SRFBP1: variants seen among roughly 807,000 people sequenced by gnomAD.
The protein encoded by SRFBP1 is serum response factor binding protein 1.
A neutral mutation model predicts 45.5 loss-of-function variants in SRFBP1; 47 were observed. The observed-to-expected ratio is 1.03, with a 90% CI of 0.82 to 1.32. The LOEUF is 1.32. Among genes scored for constraint, SRFBP1 ranks in the 40% most tolerant of loss-of-function variants. The pLI is 0.00. For missense variants in SRFBP1, 621 were observed against 484.6 expected (o/e 1.28, Z -2.64); for synonymous variants, 203 against 166.3 (o/e 1.22, Z -1.70).
In SRFBP1 at chr5:122,020,177, A is replaced by G; in HGVS notation, c.442A>G (p.Thr148Ala). 1 of 1,610,752 alleles carries G rather than the reference A, an allele frequency of 6.2e-7. No individual in the cohort carries two copies. Among genetic ancestry groups the G allele is most frequent in the Non-Finnish European group, 8.5e-7 (1 of 1,179,084 alleles). ...NASEDNHSENTLYSNDNGSNL... is the reference protein window; with the variant it reads ...NASEDNHSENALYSNDNGSNL... ...TTCAGAGGACAATCATTCTGAGAATACTTTGTATTCAAATGATAATGGAAG... is the reference window on the plus strand; with the variant it reads ...TTCAGAGGACAATCATTCTGAGAATGCTTTGTATTCAAATGATAATGGAAG... The change falls in exon 6 of 8, where the codon ACT (threonine) becomes GCT (alanine). Residue 148 changes from threonine (T) to alanine (A), a missense_variant. Physicochemically the swap from Thr to Ala is moderately conservative, Grantham distance 58. Transcript: ENST00000339397.
chr5:122,048,892 T>C (rs184639723), intron 2 of SRFBP1, among the ~76,000 whole-genome samples: 16 of 152,316 alleles, frequency 1.1e-4, no homozygotes, highest in Admixed American at 1.0e-3. Flanking sequence ...AGTGATGATA[T>C]CCCCTTCATC....
At chr5:121,971,811 A>T (rs987010605) in intron 1 of SRFBP1, among the ~76,000 whole-genome samples, 7 of 152,048 alleles carry the variant, frequency 4.6e-5, no homozygotes, top group Non-Finnish European at 8.8e-5. Flanking sequence ...TGGAAAACTA[A>T]GGGAAGAATG....
At chr5:121,968,451 A>C (rs1752119375) in intron 1 of SRFBP1, among the ~76,000 whole-genome samples, 1 of 152,082 alleles carries the variant, frequency 6.6e-6, no homozygotes, top group Admixed American at 6.5e-5. Flanking sequence ...CTGACAACAA[A>C]ATTGTTGGTG....
chr5:122,041,826 T>C (rs1419350164), intron 2 of SRFBP1, among the ~76,000 whole-genome samples: 1 of 152,202 alleles, frequency 6.6e-6, no homozygotes, highest in Non-Finnish European at 1.5e-5. Flanking sequence ...GAATTGCTAG[T>C]ACCTCCAGTA....
chr5:121,972,700 G>T (rs141534128), intron 1 of SRFBP1, among the ~76,000 whole-genome samples: 105 of 151,886 alleles, frequency 6.9e-4, no homozygotes, highest in African/African-American at 2.3e-3. Context: ...TCCTAATGAA[G>T]TCAAAGATGG....
chr5:122,070,243 A>C, intron 2 of SRFBP1: 2 of 847,728 alleles, frequency 2.4e-6, no homozygotes, highest in Non-Finnish European at 4.0e-6. Flanking sequence ...ATGAGGACTT[A>C]GCTAAATCAA....
chr5:122,016,172 C>T (rs1468870761), intron 4 of SRFBP1, among the ~76,000 whole-genome samples: 1 of 152,194 alleles, frequency 6.6e-6, no homozygotes, highest in Non-Finnish European at 1.5e-5. Flanking sequence ...ATATTCAGCA[C>T]ACCAAGTATC....
intron 2 of SRFBP1, among the ~76,000 whole-genome samples, chr5:122,036,795 G>A (rs917908563): frequency 6.6e-6 from 1 of 151,954 alleles, no homozygotes; most frequent in Non-Finnish European, 1.5e-5. Context: ...CCTAGGTTTT[G>A]CCCCATGTAC....
intron 2 of SRFBP1, chr5:122,074,231 T>A (rs1754548407): frequency 7.2e-7 from 1 of 1,397,692 alleles, no homozygotes; most frequent in Non-Finnish European, 1.0e-6. Context: ...AATGAAGATA[T>A]TAAATGACTT....
chr5:122,038,431 A>G (rs1039772514), intron 2 of SRFBP1, among the ~76,000 whole-genome samples: 1 of 152,206 alleles, frequency 6.6e-6, no homozygotes, highest in African/African-American at 2.4e-5. Context: ...TCCTAACCCT[A>G]TAGCTCTAGG....
intron 3 of SRFBP1, among the ~76,000 whole-genome samples, chr5:121,981,798 C>T (rs112845802): frequency 5.7e-4 from 86 of 151,980 alleles, no homozygotes; most frequent in African/African-American, 1.9e-3. Context: ...TATGTATTTC[C>T]GCTATCATAT....
rs77841355 is a variant in SRFBP1, at chr5:122,034,931, T to G, written n.311+12524T>G. On this transcript the variant is annotated intron_variant and non_coding_transcript_variant, in intron 2 of 2. Coordinates refer to the SRFBP1 transcript ENST00000504881. ...TGTGACACCAAAACTCTTCACTGTA[T>G]CTTTGATAAATCTTTTCCAGGAGTG... is the stretch of plus-strand genomic sequence containing the variant. Among the ~76,000 whole-genome samples the G allele has an allele frequency of 5.0e-3, 766 of 152,320 alleles. 10 individuals carry two copies. The highest frequency in any genetic ancestry group is 0.017 in the African/African-American group (723 of 41,568).
chr5:122,072,552 T>C (rs1009537768), intron 2 of SRFBP1, among the ~76,000 whole-genome samples: 1 of 152,196 alleles, frequency 6.6e-6, no homozygotes, highest in African/African-American at 2.4e-5. Context: ...ATACCTAGTT[T>C]TATGCTTGAA....
At chr5:122,075,822 A>G (rs1754609372), downstream of SRFBP1, among the ~76,000 whole-genome samples, 1 of 152,222 alleles carries the variant, frequency 6.6e-6, no homozygotes, top group Non-Finnish European at 1.5e-5. Flanking sequence ...CATAATAAGC[A>G]TTAAAAATCT....
chr5:122,069,711 G>T (rs1031519361), intron 2 of SRFBP1, among the ~76,000 whole-genome samples: 2 of 152,010 alleles, frequency 1.3e-5, no homozygotes, highest in African/African-American at 4.8e-5. Flanking sequence ...CGAGGAAGGG[G>T]CCAAGAAGCA....
intron 2 of SRFBP1, among the ~76,000 whole-genome samples, chr5:122,058,404 T>A (rs1226869587): frequency 6.6e-6 from 1 of 152,178 alleles, no homozygotes; most frequent in East Asian, 1.9e-4. Flanking sequence ...TTGATTGATT[T>A]CCTTGGGTTT....
chr5:121,975,879 TG>T (rs1752292751), intron 3 of SRFBP1, among the ~76,000 whole-genome samples: 1 of 151,698 alleles, frequency 6.6e-6, no homozygotes. Context: ...CCCATATTTT[TG>T]TTTTTTTTTT....
rs144382136 is a variant in SRFBP1 at position 122,002,522 on chromosome 5, G to A, written c.270+7852G>A. On this transcript the variant is annotated intron_variant, in intron 4 of 7. Coordinates refer to ENST00000339397, the MANE Select transcript of SRFBP1 (RefSeq NM_152546.3). ...TGATTAGATTTAGATTTAGAATTAC[G>A]TATTGTGAAAGGATGTTTGGAACAG... Among the ~76,000 whole-genome samples, 13 of 152,246 alleles carry A rather than the reference G, an allele frequency of 8.5e-5. No individual in the cohort carries two copies. The East Asian group carries it at 1.7e-3, about 20-fold the overall frequency.
rs1753255754 is a variant in SRFBP1 at position 122,019,413 on chromosome 5, T to C, written c.352+72T>C. On this transcript the variant is annotated intron_variant, in intron 5 of 7. Coordinates refer to ENST00000339397, the MANE Select transcript of SRFBP1 (RefSeq NM_152546.3). Reference sequence around the variant, plus strand: ...ACTTTGGATAATGGCTATTCACTTATTTTAACTCTTGAGGTTCTATTATAA... The same window carrying C: ...ACTTTGGATAATGGCTATTCACTTACTTTAACTCTTGAGGTTCTATTATAA... The C allele has an allele frequency of 3.4e-6, 4 of 1,169,924 alleles. No individual in the cohort carries two copies. In the South Asian group the frequency reaches 4.3e-5, roughly 13 times the overall value. The allele number at this position is 1,169,924 out of a possible 1,614,324, so 72.5% of individuals were successfully genotyped here.
Sources: allele counts gnomAD v4.1 joint callset (sites outside exome capture counted in the v4.1 genomes callset), GRCh38; gene constraint gnomAD v4.1.1; transcripts MANE v1.5; gene names NCBI Gene and HGNC (gene_info 2026-07-23, HGNC 2026-07-21).